Variants in BRAT1 observed in about 807,000 individuals in gnomAD.
The protein encoded by BRAT1 is BRCA1 associated ATM activator 1.
A neutral mutation model predicts 70.6 loss-of-function variants in BRAT1; 74 were observed. That is an observed-to-expected ratio of 1.05 (90% CI 0.87 to 1.27). The LOEUF (loss-of-function observed/expected upper bound fraction) is 1.27. Among genes scored for constraint, BRAT1 ranks in the 50% most tolerant of loss-of-function variants. BRAT1 has a pLI of 0.00. For missense variants in BRAT1, 1,203 were observed against 1,098.2 expected, an observed-to-expected ratio of 1.10 and a Z score of -1.35; for synonymous variants, 615 against 517.1, an observed-to-expected ratio of 1.19 and a Z score of -2.57.
intron 6 of BRAT1, chr7:2,542,458 G>A (rs759635391): frequency 1.3e-5 from 7 of 554,802 alleles, no homozygotes; most frequent in South Asian, 2.0e-5. Flanking sequence ...GCCTCCAGGA[G>A]GGCCTGGCCA....
At chr7:2,552,112 T>A (rs1381193259) in intron 2 of BRAT1, among the ~76,000 whole-genome samples, 245 of 34,182 alleles carry the variant, frequency 7.2e-3, no homozygotes, top group African/African-American at 0.015. Flanking sequence ...ATATATTTTT[T>A]TTTTTTTTTT....
In BRAT1 at chr7:2,541,492, G is replaced by A. The variant is rs113613637; in HGVS notation, c.1135-8C>T. 6 of 1,524,666 alleles carry A rather than the reference G, an allele frequency of 3.9e-6. No homozygotes were observed. Among genetic ancestry groups the A allele is most frequent in the Non-Finnish European group, 5.3e-6 (6 of 1,132,858 alleles). The allele number at this position is 1,524,666 out of a possible 1,614,324, so 94.4% of individuals were successfully genotyped here. On this transcript the variant is annotated splice_region_variant and splice_polypyrimidine_tract_variant and intron_variant, in intron 8 of 13. Transcript: ENST00000340611. Reference sequence around the variant, plus strand: ...CGGTGAAGGGCGCTGGGGCTGCGAGGAAGAGGGCCGTCAGCCAAGGTTGCG... The same window carrying A: ...CGGTGAAGGGCGCTGGGGCTGCGAGAAAGAGGGCCGTCAGCCAAGGTTGCG...
chr7:2,542,308 G>C (rs925026677), intron 6 of BRAT1, 97 bp from the exon 7 acceptor site: 4 of 1,057,800 alleles, frequency 3.8e-6, no homozygotes, highest in Non-Finnish European at 5.7e-6. Context: ...AATCAGCCAG[G>C]GGGTTGGGAC....
intron 3 of BRAT1, among the ~76,000 whole-genome samples, chr7:2,545,493 C>CTT (rs1260051801): frequency 1.9e-5 from 2 of 107,576 alleles, no homozygotes; most frequent in African/African-American, 9.7e-5. Flanking sequence ...ACACTTTCTT[C>CTT]TTCTTTTTTT....
intron 13 of BRAT1, 79 bp downstream of exon 13, chr7:2,539,100 C>A: frequency 6.6e-7 from 1 of 1,515,052 alleles, no homozygotes; most frequent in Non-Finnish European, 8.8e-7. Flanking sequence ...GCATGCTGGC[C>A]GCTCGACCAC....
chr7:2,551,038 G>C (rs1211750957), intron 2 of BRAT1, among the ~76,000 whole-genome samples: 2 of 151,734 alleles, frequency 1.3e-5, no homozygotes, highest in Admixed American at 6.6e-5. Flanking sequence ...TCAGGAGTTC[G>C]AGACCAGCCT....
In BRAT1 at chr7:2,545,363, C is replaced by CAAAAAAAAAAAAAA. The variant is rs1185029266; in HGVS notation, c.283-321_283-308dup. On this transcript the variant is annotated intron_variant, in intron 3 of 13. Transcript: ENST00000340611. ...TGGGTGACACAGCGAGACTCCATCT[C>CAAAAAAAAAAAAAA]AAAAAAAAAAAAAAAAAAAAAAAAA... Among the ~76,000 whole-genome samples the CAAAAAAAAAAAAAA allele has an allele frequency of 1.9e-3, 48 of 25,134 alleles. 2 individuals carry two copies. Among genetic ancestry groups the CAAAAAAAAAAAAAA allele is most frequent in the Non-Finnish European group, 3.5e-3 (44 of 12,424 alleles). The allele number at this position is 25,134 out of a possible 152,430, so 16.5% of individuals were successfully genotyped here.
At chr7:2,538,926 C>G in intron 13 of BRAT1, 162 bp from the exon 14 acceptor site, 2 of 1,456,994 alleles carry the variant, frequency 1.4e-6, no homozygotes, top group South Asian at 1.4e-5. Context: ...CACGGCCCTC[C>G]AATCCTCAGT....
intron 10 of BRAT1, chr7:2,540,308 TCCC>T (rs1303297374): frequency 1.2e-5 from 2 of 164,784 alleles, no homozygotes; most frequent in African/African-American, 2.4e-5. Context: ...GCTCCATTGA[TCCC>T]CCCACCTCGG....
Position 2,543,167 on chromosome 7 carries a change from G to C in BRAT1, c.923+37C>G, listed in dbSNP as rs1340490669. ...ACCTCCCTGCCTGCCCCAGCTCCCA[G>C]CACCCGCCTCGGAATGAAATGCACC... On this transcript the variant is annotated intron_variant, in intron 6 of 13. Transcript: ENST00000340611. The surrounding 1 kb of genome is among the most constrained non-coding windows in gnomAD (Gnocchi z 5.5). 1 of 1,521,388 alleles carries C rather than the reference G, an allele frequency of 6.6e-7. No individual in the cohort carries two copies. The highest frequency in any genetic ancestry group is 2.2e-5 in the Admixed American group (1 of 46,006). 94.2% of individuals were successfully genotyped at this position (1,521,388 alleles called of 1,614,324 possible).
At chr7:2,544,215 T>TTTTTTTTTTTG in intron 4 of BRAT1, 1 of 379,232 alleles carries the variant, frequency 2.6e-6, no homozygotes. Flanking sequence ...TTTTTTTTTT[T>TTTTTTTTTTTG]TTTTTGAGAC....
intron 6 of BRAT1, chr7:2,542,926 G>GTAGAT: frequency 4.2e-6 from 1 of 240,366 alleles, no homozygotes; most frequent in South Asian, 1.2e-4. Flanking sequence ...GGAGCGCAGG[G>GTAGAT]CGTCGGCAGG....
chr7:2,555,136 G>A (rs1171467465), intron 1 of BRAT1, among the ~76,000 whole-genome samples: 1 of 151,698 alleles, frequency 6.6e-6, no homozygotes. Flanking sequence ...AGGAAGGGGC[G>A]CCTGTCTCTC....
At chr7:2,555,370 G>C (rs1286682784) in intron 1 of BRAT1, 117 bp downstream of exon 1, 1 of 152,226 alleles carries the variant, frequency 6.6e-6, no homozygotes, top group Non-Finnish European at 1.5e-5. Flanking sequence ...AGCGAGCCCA[G>C]GTCGCGCACG....
Position 2,538,596 on chromosome 7 carries a change from C to A in BRAT1, c.1939G>T (p.Asp647Tyr), listed in dbSNP as rs751770538. The A allele has an allele frequency of 1.0e-4, 162 of 1,599,300 alleles. No individual in the cohort carries two copies. Among genetic ancestry groups the A allele is most frequent in the Middle Eastern group, 1.6e-4 (1 of 6,080 alleles). ...TVLQAASRDL[D>Y]WEVRAQGLEL... The stretch of plus-strand genomic sequence containing the variant: ...AGGCCCTGGGCGCGGACCTCCCAGT[C>A]CAGGTCTCGGCTCGCCGCCTGCAGC... Residue 647 changes from aspartate (D) to tyrosine (Y), a missense_variant, in exon 14 of 14, where the codon GAC becomes TAC. Coordinates refer to ENST00000340611, the MANE Select transcript of BRAT1 (RefSeq NM_152743.4).
chr7:2,549,287 A>G (rs1463004871), intron 2 of BRAT1, among the ~76,000 whole-genome samples: 1 of 151,944 alleles, frequency 6.6e-6, no homozygotes, highest in Non-Finnish European at 1.5e-5. Context: ...GAGTTTTAAG[A>G]CCAGCTTGGG....
intron 2 of BRAT1, 126 bp from the exon 3 acceptor site, chr7:2,547,604 T>C: frequency 2.0e-6 from 2 of 1,016,806 alleles, no homozygotes; most frequent in African/African-American, 1.6e-5. Context: ...GGGATCCAAC[T>C]GGGAAAAAAA....
chr7:2,545,586 C>T (rs1413272842), intron 3 of BRAT1, among the ~76,000 whole-genome samples: 1 of 150,438 alleles, frequency 6.6e-6, no homozygotes, highest in Non-Finnish European at 1.5e-5. Context: ...GCCTCCTGGG[C>T]TCAAGCTATT....
chr7:2,540,205 T>C (rs1562570376), intron 10 of BRAT1: 1 of 318,986 alleles, frequency 3.1e-6, no homozygotes, highest in Non-Finnish European at 5.8e-6. Flanking sequence ...TCAAATGCTC[T>C]ACCCCTGAGC....
Sources: allele counts gnomAD v4.1 joint callset (sites outside exome capture counted in the v4.1 genomes callset), GRCh38; gene constraint gnomAD v4.1.1; non-coding constraint Gnocchi (gnomAD v3.1); transcripts MANE v1.5; gene names NCBI Gene and HGNC (gene_info 2026-07-23, HGNC 2026-07-21).